The following SASS6 variants were observed in gnomAD, a reference collection of about 807,000 sequenced individuals.
SASS6 encodes the protein SAS-6 centriolar assembly protein.
Under a neutral mutation model 94.9 loss-of-function variants are expected in SASS6, and 59 were observed. The ratio of observed to expected loss-of-function variants is 0.62; its 90% CI spans 0.50 to 0.77. SASS6 has a LOEUF of 0.77. Ranked by LOEUF, SASS6 falls within the 30% of genes least tolerant of loss-of-function variation. The pLI is 0.00. For missense variants in SASS6, 698 were observed against 734.1 expected, an observed-to-expected ratio of 0.95 and a Z score of 0.57; for synonymous variants, 264 against 270.0, an observed-to-expected ratio of 0.98 and a Z score of 0.22.
chr1:100,116,561 T>C (rs1433600925), intron 7 of SASS6, among the ~76,000 whole-genome samples: 1 of 152,084 alleles, frequency 6.6e-6, no homozygotes, highest in East Asian at 1.9e-4. Context: ...AGTGCATGTG[T>C]CCACAAAAAG....
chr1:100,110,205 A>G (rs1290342327), intron 8 of SASS6, 87 bp downstream of exon 8: 7 of 702,516 alleles, frequency 1.0e-5, no homozygotes, highest in Non-Finnish European at 1.6e-5. Context: ...ATCCAGAGGA[A>G]CACCACCCAC....
rs576902011 is a variant in SASS6 at position 100,104,682 on chromosome 1, G to GA, written c.1545+1084dup. 2.4e-4 allele frequency among the ~76,000 whole-genome samples: 36 copies of GA among 151,750 alleles called. No individual in the cohort carries two copies. In the South Asian group the frequency reaches 6.7e-3, roughly 28 times the overall value. The stretch of plus-strand genomic sequence containing the variant: ...ACCACGTTGCCCAGGCTGACCTCTT[G>GA]AACTCCTGACCTCAGGTGATCCACC... On this transcript the variant is annotated intron_variant, in intron 13 of 16. Transcript: ENST00000287482.
intron 7 of SASS6, among the ~76,000 whole-genome samples, chr1:100,111,765 A>G (rs1336231110): frequency 1.3e-5 from 2 of 152,118 alleles, no homozygotes; most frequent in Non-Finnish European, 2.9e-5. Context: ...AAAAAGAGAT[A>G]AAACAGGAAG....
In SASS6 at chr1:100,110,279, C is replaced by T. The variant is rs200181335; in HGVS notation, c.861+13G>A. 4 of 1,480,182 alleles carry T rather than the reference C, an allele frequency of 2.7e-6. No individual in the cohort carries two copies. The East Asian group carries it at 7.3e-5, about 27-fold the overall frequency. 91.7% of individuals were successfully genotyped at this position (1,480,182 alleles called of 1,614,324 possible). A position where few individuals can be genotyped will look rare whatever the true frequency, so the allele number is the denominator to read the frequency against. On this transcript the variant is annotated intron_variant, in intron 8 of 16. Transcript: ENST00000287482. The stretch of plus-strand genomic sequence containing the variant: ...TCTTAAATTGGGGGAGGAAAAAAAA[C>T]AACATTCAATACCTCTTCAACACCA...
chr1:100,115,543 T>G (rs918145369), intron 7 of SASS6, among the ~76,000 whole-genome samples: 3 of 152,142 alleles, frequency 2.0e-5, no homozygotes, highest in Non-Finnish European at 2.9e-5. Flanking sequence ...GTGATAAAGG[T>G]AGTACCAGGC....
intron 7 of SASS6, among the ~76,000 whole-genome samples, chr1:100,114,620 A>C (rs1459202604): frequency 6.6e-6 from 1 of 152,076 alleles, no homozygotes; most frequent in Non-Finnish European, 1.5e-5. Context: ...CCAAAGACTG[A>C]GGTGGGAGGG....
At chr1:100,110,262 T>TG in intron 8 of SASS6, 30 bp downstream of exon 8, 1 of 1,374,658 alleles carries the variant, frequency 7.3e-7, no homozygotes, top group Non-Finnish European at 9.9e-7. Context: ...TCTCTTAAAT[T>TG]GGGGGAGGAA....
intron 7 of SASS6, among the ~76,000 whole-genome samples, chr1:100,112,190 G>T (rs1302468258): frequency 6.6e-6 from 1 of 152,068 alleles, no homozygotes; most frequent in Admixed American, 6.5e-5. Flanking sequence ...TTTTTCAAAT[G>T]AATATTCTAT....
chr1:100,098,948 T>C (rs1195766609), intron 14 of SASS6, among the ~76,000 whole-genome samples: 1 of 152,150 alleles, frequency 6.6e-6, no homozygotes, highest in African/African-American at 2.4e-5. Context: ...CTGGAATATA[T>C]CATAAGAAAT....
intron 5 of SASS6, 149 bp from the exon 6 acceptor site, chr1:100,120,608 T>C (rs1432372284): frequency 1.8e-6 from 1 of 557,400 alleles, no homozygotes; most frequent in Non-Finnish European, 3.2e-6. Context: ...TTTAACAAGA[T>C]CCCCAGATAA....
At chr1:100,096,311 A>G (rs1652095101) in intron 14 of SASS6, among the ~76,000 whole-genome samples, 1 of 152,230 alleles carries the variant, frequency 6.6e-6, no homozygotes, top group Non-Finnish European at 1.5e-5. Flanking sequence ...CATAAATGGT[A>G]CTAAGAACTG....
intron 7 of SASS6, among the ~76,000 whole-genome samples, chr1:100,112,627 T>C (rs1653435334): frequency 6.6e-6 from 1 of 152,156 alleles, no homozygotes; most frequent in Non-Finnish European, 1.5e-5. Flanking sequence ...ATATAGATAA[T>C]ACAGCCATTA....
At chr1:100,119,464 A>T (rs987239391) in intron 6 of SASS6, among the ~76,000 whole-genome samples, 1 of 152,162 alleles carries the variant, frequency 6.6e-6, no homozygotes, top group Admixed American at 6.5e-5. Flanking sequence ...TACATATAAA[A>T]CCCAGTAACA....
At chr1:100,116,506 T>C (rs1653812054) in intron 7 of SASS6, among the ~76,000 whole-genome samples, 1 of 152,190 alleles carries the variant, frequency 6.6e-6, no homozygotes, top group East Asian at 1.9e-4. Context: ...CTATATATAC[T>C]ACAACCTAGC....
intron 2 of SASS6, among the ~76,000 whole-genome samples, chr1:100,125,399 G>A (rs1654531053): frequency 1.3e-5 from 2 of 151,506 alleles, no homozygotes; most frequent in African/African-American, 2.4e-5. Flanking sequence ...ATATGGTATA[G>A]GCCGGGCACA....
At chr1:100,104,796 A>G (rs1017416599) in intron 13 of SASS6, among the ~76,000 whole-genome samples, 1 of 151,854 alleles carries the variant, frequency 6.6e-6, no homozygotes, top group Non-Finnish European at 1.5e-5. Context: ...AAAAAAAAAA[A>G]AAAAAGCAGG....
chr1:100,086,973 T>A (rs1290849596), intron 15 of SASS6, among the ~76,000 whole-genome samples: 1 of 152,084 alleles, frequency 6.6e-6, no homozygotes, highest in East Asian at 1.9e-4. Context: ...TTAACTTTTT[T>A]ACATTATTTT....
chr1:100,094,693 C>T (rs970394666), intron 14 of SASS6, among the ~76,000 whole-genome samples: 20 of 151,856 alleles, frequency 1.3e-4, no homozygotes, highest in African/African-American at 2.7e-4. Flanking sequence ...AGGGCGAAAC[C>T]GTGTCTCTAT....
Position 100,085,142 on chromosome 1 carries a change from C to T in SASS6, c.*186G>A. On this transcript the variant is annotated 3_prime_UTR_variant, in exon 17 of 17. Coordinates refer to ENST00000287482, the MANE Select transcript of SASS6 (RefSeq NM_194292.3). ...AATGTCATTTACTCACAATCTTTACCAATCCCCAAGTACAAATTTGTTCCT... is the reference window on the plus strand; with the variant it reads ...AATGTCATTTACTCACAATCTTTACTAATCCCCAAGTACAAATTTGTTCCT... 1 of 523,232 alleles carries T rather than the reference C, an allele frequency of 1.9e-6. No individual in the cohort carries two copies. The highest frequency in any genetic ancestry group is 3.4e-6 in the Non-Finnish European group (1 of 292,442). 32.4% of individuals were successfully genotyped at this position (523,232 alleles called of 1,614,324 possible). A position where few individuals can be genotyped will look rare whatever the true frequency, so the allele number is the denominator to read the frequency against.
Sources: gnomAD v4.1 joint callset for allele counts (sites outside exome capture counted in the v4.1 genomes callset) on GRCh38, gnomAD v4.1.1 for gene constraint, MANE v1.5 for transcripts, NCBI Gene and HGNC (gene_info 2026-07-23, HGNC 2026-07-21) for gene names.